The following DNAJC11 variants were observed in gnomAD, a reference collection of about 807,000 sequenced individuals.
DNAJC11 encodes DnaJ heat shock protein family (Hsp40) member C11, also known as dnaJ homolog subfamily C member 11.
In DNAJC11, 15 loss-of-function variants were observed where a neutral mutation model predicts 78.6. That is an observed-to-expected ratio of 0.19 (90% CI 0.13 to 0.29). DNAJC11 has a LOEUF of 0.29. DNAJC11 is among the 10% of genes least tolerant of loss of function. The pLI is 1.00. For synonymous variants in DNAJC11, 292 were observed against 272.1 expected, an observed-to-expected ratio of 1.07 and a Z score of -0.72; for missense variants, 547 against 709.6, an observed-to-expected ratio of 0.77 and a Z score of 2.60.
At chr1:6,662,164 A>C (rs1642226897) in intron 4 of DNAJC11, among the ~76,000 whole-genome samples, 1 of 134,482 alleles carries the variant, frequency 7.4e-6, no homozygotes. Flanking sequence ...ATAGGATTTC[A>C]CCATGTTGCC....
chr1:6,643,233 A>G (rs932276332), intron 10 of DNAJC11, among the ~76,000 whole-genome samples: 2 of 151,396 alleles, frequency 1.3e-5, no homozygotes, highest in South Asian at 4.2e-4. Context: ...GCCTGACTGG[A>G]GCACGTTTAG....
At chr1:6,655,297 A>G (rs1642110463) in intron 4 of DNAJC11, among the ~76,000 whole-genome samples, 1 of 152,188 alleles carries the variant, frequency 6.6e-6, no homozygotes, top group Admixed American at 6.5e-5. Flanking sequence ...TTATGGTAAA[A>G]AATTTTCTTA....
intron 4 of DNAJC11, among the ~76,000 whole-genome samples, chr1:6,662,909 T>C (rs961977125): frequency 1.3e-5 from 2 of 152,188 alleles, no homozygotes; most frequent in African/African-American, 4.8e-5. Flanking sequence ...ATCTTGCTGC[T>C]GCTCACTCTG....
intron 4 of DNAJC11, among the ~76,000 whole-genome samples, chr1:6,657,994 CTT>C (rs1377234500): frequency 6.6e-6 from 1 of 152,032 alleles, no homozygotes; most frequent in Non-Finnish European, 1.5e-5. Flanking sequence ...TATCAGCTAA[CTT>C]ATGTTTCAAA....
intron 3 of DNAJC11, among the ~76,000 whole-genome samples, chr1:6,678,137 C>T (rs1642499119): frequency 6.6e-6 from 1 of 152,172 alleles, no homozygotes; most frequent in Non-Finnish European, 1.5e-5. Context: ...TGGTTCGGTC[C>T]ATCCCTCTTC....
intron 3 of DNAJC11, 87 bp from the exon 4 acceptor site, chr1:6,667,897 T>C (rs1642316791): frequency 1.6e-6 from 2 of 1,288,586 alleles, no homozygotes; most frequent in African/African-American, 1.5e-5. Context: ...TTGATTTTGG[T>C]GTGTGCATGC....
At chr1:6,667,610 T>G (rs989874287) in intron 4 of DNAJC11, 99 bp downstream of exon 4, 63 of 989,746 alleles carry the variant, frequency 6.4e-5, no homozygotes, top group Non-Finnish European at 9.6e-5. Context: ...TGTATGTTTT[T>G]ACTTTAACAA....
At chr1:6,638,039 A>G in intron 12 of DNAJC11, 1 of 431,902 alleles carries the variant, frequency 2.3e-6, no homozygotes, top group Non-Finnish European at 4.1e-6. Context: ...CTGCTCAGTA[A>G]AAGGCAGAAC....
chr1:6,692,188 A>G (rs1223999174), intron 1 of DNAJC11, among the ~76,000 whole-genome samples: 1 of 152,248 alleles, frequency 6.6e-6, no homozygotes, highest in African/African-American at 2.4e-5. Context: ...AATTGTTTGA[A>G]ATGCCCAAAG....
intron 11 of DNAJC11, 21 bp from the exon 12 acceptor site, chr1:6,638,385 G>T (rs752910813): frequency 6.2e-7 from 1 of 1,609,792 alleles, no homozygotes; most frequent in African/African-American, 1.3e-5. Flanking sequence ...AGGAACACAA[G>T]CCCCACGTTA....
At chr1:6,639,312 G>A (rs1039516152) in intron 11 of DNAJC11, among the ~76,000 whole-genome samples, 1 of 150,358 alleles carries the variant, frequency 6.7e-6, no homozygotes, top group African/African-American at 2.4e-5. Flanking sequence ...TGAGGCCATG[G>A]TTTAGAGGAT....
chr1:6,639,830 C>T, intron 11 of DNAJC11, 72 bp downstream of exon 11: 1 of 1,523,888 alleles, frequency 6.6e-7, no homozygotes. Flanking sequence ...CTCTGTTATC[C>T]TCTCCATTTT....
At chr1:6,678,310 T>C (rs938846886) in intron 3 of DNAJC11, 84 bp downstream of exon 3, 105 of 1,280,984 alleles carry the variant, frequency 8.2e-5, no homozygotes, top group Non-Finnish European at 1.1e-4. Flanking sequence ...CCAAAGACAA[T>C]ATTACAGATT....
intron 4 of DNAJC11, among the ~76,000 whole-genome samples, chr1:6,660,931 G>A (rs1423508359): frequency 6.6e-6 from 1 of 152,200 alleles, no homozygotes; most frequent in African/African-American, 2.4e-5. Context: ...ATTTGTACTC[G>A]TTGAGTAGAA....
intron 1 of DNAJC11, among the ~76,000 whole-genome samples, chr1:6,699,116 A>G (rs2147889516): frequency 6.6e-6 from 1 of 152,062 alleles, no homozygotes; most frequent in East Asian, 1.9e-4. Flanking sequence ...CCTGGGCAAC[A>G]CAGAGAGACC....
chr1:6,691,304 C>A (rs1642742160), intron 1 of DNAJC11, among the ~76,000 whole-genome samples: 1 of 151,826 alleles, frequency 6.6e-6, no homozygotes, highest in Non-Finnish European at 1.5e-5. Context: ...AACAAATGGG[C>A]CCAAGGTGCA....
intron 1 of DNAJC11, among the ~76,000 whole-genome samples, chr1:6,690,658 C>A (rs560621822): frequency 6.6e-6 from 1 of 152,218 alleles, no homozygotes; most frequent in Non-Finnish European, 1.5e-5. Context: ...GGCGTGGTGG[C>A]TCACGCCTGT....
chr1:6,652,019 C>T (rs939121903), intron 6 of DNAJC11, among the ~76,000 whole-genome samples: 2 of 151,864 alleles, frequency 1.3e-5, no homozygotes, highest in Non-Finnish European at 2.9e-5. Flanking sequence ...TTTCATCCTG[C>T]GCCAAATGTC....
At chr1:6,674,296 C>G (rs749753513) in intron 3 of DNAJC11, among the ~76,000 whole-genome samples, 1 of 152,038 alleles carries the variant, frequency 6.6e-6, no homozygotes, top group African/African-American at 2.4e-5. Context: ...CACGGTGGCT[C>G]ACATTTGTAA....
Sources: allele counts gnomAD v4.1 joint callset (sites outside exome capture counted in the v4.1 genomes callset), GRCh38; gene constraint gnomAD v4.1.1; transcripts MANE v1.5; gene names NCBI Gene and HGNC (gene_info 2026-07-23, HGNC 2026-07-21).